Variants in CCDC40 observed in about 807,000 individuals in gnomAD.
CCDC40 encodes the protein coiled-coil domain 40 molecular ruler complex subunit.
In CCDC40, 104 loss-of-function variants were observed where a neutral mutation model predicts 124.5. The ratio of observed to expected loss-of-function variants is 0.84; its 90% CI spans 0.71 to 0.98. The LOEUF (loss-of-function observed/expected upper bound fraction) is 0.98, where lower values mean the gene tolerates loss of function less well. CCDC40 is among the 50% of genes least tolerant of loss of function. The pLI is 0.00. For synonymous variants in CCDC40, 580 were observed against 602.9 expected (o/e 0.96, Z 0.56); for missense variants, 1,463 against 1,503.9 (o/e 0.97, Z 0.45).
At chr17:80,042,069 G>A (rs78971848) in intron 3 of CCDC40, among the ~76,000 whole-genome samples, 19,105 of 152,052 alleles carry the variant, frequency 0.13, 1,278 homozygotes, top group East Asian at 0.16. Context: ...TCTTATATTT[G>A]CTTACAAACG....
chr17:80,074,502 T>C (rs2038266069), intron 10 of CCDC40, among the ~76,000 whole-genome samples: 1 of 151,932 alleles, frequency 6.6e-6, no homozygotes, highest in Admixed American at 6.6e-5. Context: ...AGAATGCACC[T>C]GGTGGGCATG....
At position 80,036,683 on chromosome 17, in the gene CCDC40, G is replaced by A. The variant is rs766369570; in HGVS notation, c.21G>A (p.Ala7=). 16 of 1,461,552 alleles carry A rather than the reference G, an allele frequency of 1.1e-5. No homozygotes were observed. Among genetic ancestry groups the A allele is most frequent in the Admixed American group, 2.4e-5 (1 of 42,186 alleles). The allele number at this position is 1,461,552 out of a possible 1,614,324, so 90.5% of individuals were successfully genotyped here. The change falls in exon 1 of 20, where the codon GCG becomes GCA. Residue 7 remains alanine, a synonymous_variant. Transcript: ENST00000397545. ...GGGAAATGGCGGAACCGGGCGGCGC[G>A]GCGGGCCGGTAAGCCGGGCCGAGGG... MAEPGG[A]AGRSHPEDGS... is the part of the protein sequence containing the mutation.
intron 3 of CCDC40, among the ~76,000 whole-genome samples, chr17:80,043,414 G>A (rs559987475): frequency 2.0e-5 from 3 of 152,232 alleles, no homozygotes; most frequent in South Asian, 2.1e-4. Flanking sequence ...GCCTGTGTGC[G>A]TGTACTGTAC....
At chr17:80,042,867 T>G (rs965700857) in intron 3 of CCDC40, among the ~76,000 whole-genome samples, 2 of 152,196 alleles carry the variant, frequency 1.3e-5, no homozygotes, top group South Asian at 4.1e-4. Flanking sequence ...GGGTTGTTTT[T>G]TTTTTTTTAA....
intron 7 of CCDC40, among the ~76,000 whole-genome samples, chr17:80,056,014 A>ATTTTTTT (rs1173801732): frequency 1.3e-3 from 18 of 13,440 alleles, no homozygotes; most frequent in African/African-American, 2.7e-3. Context: ...ATATATATAT[A>ATTTTTTT]TATTTTTTTT....
Position 80,100,607 on chromosome 17 carries a change from C to T in CCDC40, c.*832C>T, listed in dbSNP as rs1346124006. 6.6e-6 allele frequency: 1 copy of T among 151,482 alleles called. No individual in the cohort carries two copies. Among genetic ancestry groups the T allele is most frequent in the African/African-American group, 2.4e-5 (1 of 41,124 alleles). The allele number at this position is 151,482 out of a possible 1,614,324, so 9.4% of individuals were successfully genotyped here. ...AGAATAAAATCTTTTTTCTGAATAT[C>T]TAGTAAGCCTTTCTGAGTCAGCCTT... On this transcript the variant is annotated 3_prime_UTR_variant, in exon 20 of 20. Coordinates refer to ENST00000397545, the MANE Select transcript of CCDC40 (RefSeq NM_017950.4).
rs1458854940 is a variant in CCDC40 at position 80,074,347 on chromosome 17, A to G, written c.1563-7199A>G. On this transcript the variant is annotated intron_variant, in intron 10 of 19. Coordinates refer to ENST00000397545, the MANE Select transcript of CCDC40 (RefSeq NM_017950.4). ...AACACGGTGAAACCCCGTCTCTACT[A>G]AAAATACAAAAAGTTATCCAGGCAT... is the stretch of plus-strand genomic sequence containing the variant. 3.9e-5 allele frequency among the ~76,000 whole-genome samples: 6 copies of G among 152,152 alleles called. No homozygotes were observed. The East Asian group carries it at 5.8e-4, about 15-fold the overall frequency.
At chr17:80,051,984 G>A (rs72849306) in intron 7 of CCDC40, among the ~76,000 whole-genome samples, 18,144 of 146,920 alleles carry the variant, frequency 0.12, 1,284 homozygotes, top group East Asian at 0.25. Context: ...CAAGGCCTGC[G>A]TCAAACAGCA....
chr17:80,049,074 AC>A (rs113179891), intron 5 of CCDC40, among the ~76,000 whole-genome samples: 48,325 of 150,858 alleles, frequency 0.32, 10,464 homozygotes, highest in African/African-American at 0.62. Flanking sequence ...CAGGAGCACC[AC>A]CCCCCCGCCT....
chr17:80,100,190 G>C lies in CCDC40; in HGVS notation c.*415G>C. ...AAGGCAGCTCCAGCCAGCCTGGCCC[G>C]GGAGGCTGGTCCCCCCAGCACTTCC... On this transcript the variant is annotated 3_prime_UTR_variant, in exon 20 of 20. Transcript: ENST00000397545. 1 of 281,976 alleles carries C rather than the reference G, an allele frequency of 3.5e-6. No homozygotes were observed. Among genetic ancestry groups the C allele is most frequent in the East Asian group, 1.0e-4 (1 of 9,866 alleles). 17.5% of individuals were successfully genotyped at this position (281,976 alleles called of 1,614,324 possible).
At chr17:80,050,316 G>A (rs747039600) in intron 7 of CCDC40, 33 bp downstream of exon 7, 221 of 1,510,442 alleles carry the variant, frequency 1.5e-4, no homozygotes, top group Middle Eastern at 9.3e-4. Context: ...CACGCCATCC[G>A]GTCCTGGAGG....
In CCDC40 at chr17:80,090,453, ACGTG is replaced by A. The variant is rs1464798407; in HGVS notation, c.2832+571_2832+574del. On this transcript the variant is annotated intron_variant, in intron 17 of 19. Transcript: ENST00000397545. ...TGAACAACACAGGACACACACAAGC[ACGTG>A]CATGAACAACACAGGACACACACAA... 5.8e-6 allele frequency: 8 copies of A among 1,374,182 alleles called. No homozygotes were observed. In the African/African-American group the frequency reaches 1.1e-4, roughly 19 times the overall value. The allele number at this position is 1,374,182 out of a possible 1,614,324, so 85.1% of individuals were successfully genotyped here.
chr17:80,095,344 A>G lies in CCDC40; in HGVS notation c.2914A>G (p.Thr972Ala), dbSNP rs1371582056. 1.9e-6 allele frequency: 3 copies of G among 1,614,108 alleles called. No individual in the cohort carries two copies. The South Asian group carries it at 3.3e-5, about 18-fold the overall frequency. ...ELAVARRETV[T>A]TQAEGQRKMD... ...GGCGGTTGCCCGCAGAGAGACCGTC[A>G]CCACCCAGGCCGAGGGGCAGCGCAA... Residue 972 changes from threonine (T) to alanine (A), a missense_variant, in exon 18 of 20, where the codon ACC (threonine) becomes GCC (alanine). Transcript: ENST00000397545.
chr17:80,070,958 G>GA (rs1380180272), intron 10 of CCDC40, among the ~76,000 whole-genome samples: 1 of 152,142 alleles, frequency 6.6e-6, no homozygotes, highest in Non-Finnish European at 1.5e-5. Flanking sequence ...CAGAAGTCCT[G>GA]AAGGAACCGT....
At position 80,049,960 on chromosome 17, in the gene CCDC40, G is replaced by A. The variant is rs757404529; in HGVS notation, c.910G>A (p.Glu304Lys). 1.2e-5 allele frequency: 20 copies of A among 1,613,974 alleles called. No individual in the cohort carries two copies. The highest frequency in any genetic ancestry group is 8.9e-5 in the East Asian group (4 of 44,884). ...GAAGAACTACCTGAACCGACAGATCGAAAAGTTGAAGCTGGACCTCCAAGA... is the reference window on the plus strand; with the variant it reads ...GAAGAACTACCTGAACCGACAGATCAAAAAGTTGAAGCTGGACCTCCAAGA... ...ALKNYLNRQI[E>K]KLKLDLQELV... Residue 304 changes from glutamate to lysine, a missense_variant, in exon 6 of 20, where the codon GAA becomes AAA. Transcript: ENST00000397545.
intron 18 of CCDC40, among the ~76,000 whole-genome samples, chr17:80,096,086 A>G (rs4889957): frequency 0.38 from 57,386 of 152,222 alleles, 11,944 homozygotes; most frequent in Middle Eastern, 0.49. Context: ...CCGCTGTGTG[A>G]CCTCGGAGTA....
chr17:80,068,297 T>C (rs1009690917), intron 10 of CCDC40, among the ~76,000 whole-genome samples: 37 of 152,114 alleles, frequency 2.4e-4, no homozygotes, highest in Admixed American at 2.3e-3. Flanking sequence ...CCTCCCAAAG[T>C]GCTGGGATTA....
chr17:80,077,879 G>A (rs905944978), intron 10 of CCDC40, among the ~76,000 whole-genome samples: 7 of 152,158 alleles, frequency 4.6e-5, no homozygotes, highest in East Asian at 3.8e-4. Context: ...TTTATCAGAC[G>A]TGTGCTTTGA....
intron 3 of CCDC40, among the ~76,000 whole-genome samples, chr17:80,041,507 CAAA>C (rs111597290): frequency 7.4e-6 from 1 of 134,280 alleles, no homozygotes; most frequent in Non-Finnish European, 1.6e-5. Flanking sequence ...GACTCTGTCT[CAAA>C]AAAAAAAAAA....
Sources: allele counts gnomAD v4.1 joint callset (sites outside exome capture counted in the v4.1 genomes callset), GRCh38; gene constraint gnomAD v4.1.1; transcripts MANE v1.5; gene names NCBI Gene and HGNC (gene_info 2026-07-23, HGNC 2026-07-21).